The following SYK variants were observed in gnomAD, a reference collection of about 807,000 sequenced individuals.
SYK encodes the protein spleen associated tyrosine kinase.
Under a neutral mutation model 77.8 loss-of-function variants are expected in SYK, and 16 were observed. The ratio of observed to expected loss-of-function variants is 0.21; its 90% CI spans 0.14 to 0.31. The LOEUF is 0.31. Ranked by LOEUF, SYK falls within the 10% of genes least tolerant of loss-of-function variation. SYK has a pLI of 1.00. For missense variants in SYK, 529 were observed against 814.4 expected (o/e 0.65, Z 4.26); for synonymous variants, 312 against 308.7 (o/e 1.01, Z -0.11).
chr9:90,888,374 G>T, intron 12 of SYK, 141 bp from the exon 13 acceptor site: 1 of 667,830 alleles, frequency 1.5e-6, no homozygotes, highest in Non-Finnish European at 2.4e-6. Context: ...CAACATCACA[G>T]ATTAAGTGCT....
At chr9:90,820,882 C>T (rs1246905305) in intron 1 of SYK, among the ~76,000 whole-genome samples, 1 of 149,600 alleles carries the variant, frequency 6.7e-6, no homozygotes, top group Admixed American at 6.7e-5. Flanking sequence ...TTTAATAAAA[C>T]TGAATGACTT....
At chr9:90,826,025 T>C (rs772994052) in intron 1 of SYK, among the ~76,000 whole-genome samples, 1 of 152,198 alleles carries the variant, frequency 6.6e-6, no homozygotes, top group Admixed American at 6.5e-5. Flanking sequence ...ATATCCTCCA[T>C]GTTTCCTGGT....
intron 9 of SYK, among the ~76,000 whole-genome samples, chr9:90,875,928 AT>A (rs1239148190): frequency 6.6e-6 from 1 of 152,140 alleles, no homozygotes; most frequent in Non-Finnish European, 1.5e-5. Flanking sequence ...TAAAAAAAAA[AT>A]TCGTGAGTAG....
rs34231418 is a variant in SYK, at chr9:90,878,911, C to T, written c.1539C>T (p.Phe513=). The T allele has an allele frequency of 0.043, 69,382 of 1,613,914 alleles. 1,658 individuals carry two copies. Among genetic ancestry groups the T allele is most frequent in the African/African-American group, 0.046 (3,448 of 75,028 alleles). Residue 513 remains phenylalanine, a synonymous_variant, in exon 11 of 14, where the codon TTC becomes TTT. Transcript: ENST00000375754. The part of the protein sequence containing the change: ...VTQHYAKISD[F]GLSKALRADE... ...AACATTACGCCAAGATCAGTGATTT[C>T]GGACTTTCCAAAGCACTGCGTGCTG...
At chr9:90,869,438 G>C (rs1258727765) in intron 7 of SYK, among the ~76,000 whole-genome samples, 3 of 152,114 alleles carry the variant, frequency 2.0e-5, no homozygotes, top group African/African-American at 7.2e-5. Context: ...AGGTTGTAAG[G>C]TTTAAGCTAT....
At chr9:90,840,062 G>A (rs1826236265) in intron 1 of SYK, among the ~76,000 whole-genome samples, 1 of 152,118 alleles carries the variant, frequency 6.6e-6, no homozygotes, top group East Asian at 1.9e-4. Flanking sequence ...GAAAGGACAG[G>A]GTTACGCCAA....
intron 1 of SYK, among the ~76,000 whole-genome samples, chr9:90,802,940 T>C (rs1286822314): frequency 6.6e-6 from 1 of 152,170 alleles, no homozygotes; most frequent in East Asian, 1.9e-4. Context: ...ATCTGACTTC[T>C]TTGTCTTAGT....
chr9:90,862,652 G>C (rs537289489), intron 4 of SYK, among the ~76,000 whole-genome samples: 3 of 152,342 alleles, frequency 2.0e-5, no homozygotes, highest in South Asian at 4.1e-4. Context: ...TCAGCCCTCA[G>C]TGCCACAAGG....
Position 90,852,391 on chromosome 9 carries a change from G to T in SYK, c.578+6797G>T, listed in dbSNP as rs1480395379. Among the ~76,000 whole-genome samples, 3 of 152,290 alleles carry T rather than the reference G, an allele frequency of 2.0e-5. No individual in the cohort carries two copies. The East Asian group carries it at 5.8e-4, about 29-fold the overall frequency. ...ACACAATGTGGTTTATTGCCATTGT[G>T]CACAGCCAATTCTCCCACACACATC... is the stretch of plus-strand genomic sequence containing the variant. On this transcript the variant is annotated intron_variant, in intron 3 of 13. Transcript: ENST00000375754.
intron 3 of SYK, among the ~76,000 whole-genome samples, chr9:90,855,474 C>G (rs1826991896): frequency 1.3e-5 from 2 of 152,134 alleles, no homozygotes; most frequent in Non-Finnish European, 2.9e-5. Flanking sequence ...GATTTGCACA[C>G]CCCTGATTCT....
intron 1 of SYK, among the ~76,000 whole-genome samples, chr9:90,823,827 T>C (rs955243123): frequency 1.7e-4 from 26 of 152,008 alleles, no homozygotes; most frequent in African/African-American, 6.3e-4. Context: ...GTGATTCTAC[T>C]TTTAAGAAAC....
intron 11 of SYK, among the ~76,000 whole-genome samples, chr9:90,886,902 A>T (rs1828598601): frequency 1.3e-5 from 2 of 152,186 alleles, no homozygotes; most frequent in Non-Finnish European, 2.9e-5. Context: ...GGATGAATGG[A>T]TAAAGAAAAT....
At chr9:90,864,234 G>A (rs1827380351) in intron 4 of SYK, among the ~76,000 whole-genome samples, 1 of 152,170 alleles carries the variant, frequency 6.6e-6, no homozygotes, top group African/African-American at 2.4e-5. Context: ...CTGGCTCTCA[G>A]CCTGTTTCTG....
At position 90,843,855 on chromosome 9, in the gene SYK, C is replaced by T; in HGVS notation, c.-41-3C>T. On this transcript the variant is annotated splice_region_variant and splice_polypyrimidine_tract_variant and intron_variant, in intron 1 of 13. Transcript: ENST00000375754. ...CAAAGTTCTCTGTCTCTGTCTTGCC[C>T]AGGTGGACACCTGCGCAGGTGTGTG... 1 of 1,438,880 alleles carries T rather than the reference C, an allele frequency of 6.9e-7. No individual in the cohort carries two copies. The highest frequency in any genetic ancestry group is 1.5e-5 in the South Asian group (1 of 66,944). 89.1% of individuals were successfully genotyped at this position (1,438,880 alleles called of 1,614,324 possible).
At chr9:90,857,380 A>C (rs763268351) in intron 3 of SYK, among the ~76,000 whole-genome samples, 6 of 152,242 alleles carry the variant, frequency 3.9e-5, no homozygotes, top group Non-Finnish European at 8.8e-5. Flanking sequence ...ATTGATGCTG[A>C]TCAAAGTCTC....
intron 1 of SYK, among the ~76,000 whole-genome samples, chr9:90,830,284 C>T (rs994302880): frequency 7.2e-5 from 11 of 152,202 alleles, no homozygotes; most frequent in African/African-American, 1.4e-4. Flanking sequence ...TACCTACTGA[C>T]GAAGCCAGTG....
At chr9:90,892,033 T>C (rs189186163) in intron 13 of SYK, among the ~76,000 whole-genome samples, 34 of 152,294 alleles carry the variant, frequency 2.2e-4, no homozygotes, top group African/African-American at 7.7e-4. Flanking sequence ...AGAAACCAAA[T>C]TGATACCAGG....
chr9:90,833,430 G>A (rs62559065), intron 1 of SYK, among the ~76,000 whole-genome samples: 18,664 of 152,208 alleles, frequency 0.12, 1,274 homozygotes, highest in Middle Eastern at 0.24. Context: ...CAGGGAGCTG[G>A]GAGTGTTAGT....
Position 90,844,308 on chromosome 9 carries a change from A to C in SYK, c.410A>C (p.Asn137Thr), listed in dbSNP as rs200097669. The change falls in exon 2 of 14, where the codon AAC (asparagine) becomes ACC (threonine). Residue 137 changes from asparagine (N) to threonine (T), a missense_variant. Physicochemically the swap from Asn to Thr is moderately conservative, Grantham distance 65. This residue lies in a region of SYK where 321 missense variants were observed against 433.1 expected (regional missense o/e 0.74). Coordinates refer to ENST00000375754, the MANE Select transcript of SYK (RefSeq NM_003177.7). ...AGGGAATATGTGAAGCAGACATGGA[A>C]CCTGCAGGTGGGCCACAGCTGGTCC... ...LIREYVKQTW[N>T]LQGQALEQAI... The C allele has an allele frequency of 7.9e-5, 126 of 1,603,742 alleles. No individual in the cohort carries two copies. Among genetic ancestry groups the C allele is most frequent in the Non-Finnish European group, 1.1e-4 (125 of 1,174,718 alleles).
Sources: allele counts gnomAD v4.1 joint callset (sites outside exome capture counted in the v4.1 genomes callset), GRCh38; gene constraint gnomAD v4.1.1; regional missense constraint gnomAD v4.1.1; transcripts MANE v1.5; gene names NCBI Gene and HGNC (gene_info 2026-07-23, HGNC 2026-07-21).